The following CNTN1 variants were observed in gnomAD, a reference collection of about 807,000 sequenced individuals.
The protein encoded by CNTN1 is contactin-1.
In CNTN1, 38 loss-of-function variants were observed where a neutral mutation model predicts 126.4. The observed-to-expected ratio is 0.30, with a 90% CI of 0.23 to 0.39. The LOEUF (loss-of-function observed/expected upper bound fraction) is 0.39. CNTN1 is among the 10% of genes least tolerant of loss of function. CNTN1 has a pLI of 1.00. For missense variants in CNTN1, 1,009 were observed against 1,248.4 expected (o/e 0.81, Z 2.89); for synonymous variants, 413 against 422.6 (o/e 0.98, Z 0.28).
intron 1 of CNTN1, among the ~76,000 whole-genome samples, chr12:40,814,081 A>T (rs1941179619): frequency 6.6e-6 from 1 of 152,098 alleles, no homozygotes; most frequent in Non-Finnish European, 1.5e-5. Context: ...AGTTCCCTAT[A>T]AATTCTGGAT....
intron 1 of CNTN1, among the ~76,000 whole-genome samples, chr12:40,731,306 C>G (rs1942495655): frequency 1.3e-5 from 2 of 151,828 alleles, no homozygotes; most frequent in Admixed American, 6.6e-5. Context: ...AATACTATGA[C>G]AATTCTATAT....
intron 1 of CNTN1, among the ~76,000 whole-genome samples, chr12:40,709,409 T>A (rs937603027): frequency 1.3e-5 from 2 of 152,194 alleles, no homozygotes; most frequent in African/African-American, 2.4e-5. Flanking sequence ...GTTAGCGTAA[T>A]TCTTAAGTGC....
chr12:40,706,121 G>T (rs961799639), intron 1 of CNTN1, among the ~76,000 whole-genome samples: 6 of 150,518 alleles, frequency 4.0e-5, no homozygotes, highest in Non-Finnish European at 7.4e-5. Flanking sequence ...TAGATATATA[G>T]ATATTTTTAT....
At chr12:40,723,677 G>A (rs919563368) in intron 1 of CNTN1, among the ~76,000 whole-genome samples, 1 of 152,130 alleles carries the variant, frequency 6.6e-6, no homozygotes, top group Non-Finnish European at 1.5e-5. Context: ...TATTAGGATT[G>A]TACCACAGTA....
chr12:40,735,918 G>C (rs1014969585), intron 1 of CNTN1, among the ~76,000 whole-genome samples: 10 of 152,040 alleles, frequency 6.6e-5, no homozygotes, highest in African/African-American at 2.4e-4. Flanking sequence ...AAAGAGAGGT[G>C]GGGGAGGTAG....
intron 1 of CNTN1, among the ~76,000 whole-genome samples, chr12:40,702,738 G>A (rs7971056): frequency 0.66 from 99,661 of 152,078 alleles, 32,995 homozygotes; most frequent in East Asian, 0.86. Flanking sequence ...GCCTGGCCCA[G>A]AATTGAATTA....
chr12:40,716,434 T>C (rs368564743), intron 1 of CNTN1, among the ~76,000 whole-genome samples: 2 of 152,052 alleles, frequency 1.3e-5, no homozygotes. Flanking sequence ...TCCACAAATC[T>C]AAATACCTTG....
chr12:41,040,995 T>G (rs61924409), intron 23 of CNTN1, among the ~76,000 whole-genome samples: 75,252 of 128,256 alleles, frequency 0.59, 22,353 homozygotes, highest in African/African-American at 0.78. Flanking sequence ...CTTGTGCCAG[T>G]TTTCAAAGGG....
At chr12:41,019,729 T>C (rs1260046722) in intron 19 of CNTN1, among the ~76,000 whole-genome samples, 2 of 152,166 alleles carry the variant, frequency 1.3e-5, no homozygotes, top group Non-Finnish European at 2.9e-5. Context: ...CAGGAAACAG[T>C]GGATGTTACA....
At chr12:40,844,069 A>ATTTTTTTTTGTTTTTTTT (rs1942398324) in intron 1 of CNTN1, among the ~76,000 whole-genome samples, 1 of 84,682 alleles carries the variant, frequency 1.2e-5, no homozygotes, top group Non-Finnish European at 2.3e-5. Flanking sequence ...TGGCACAATG[A>ATTTTTTTTTGTTTTTTTT]TTTTTTTTTT....
chr12:40,829,635 C>G (rs369645361), intron 1 of CNTN1, among the ~76,000 whole-genome samples: 1 of 151,976 alleles, frequency 6.6e-6, no homozygotes, highest in East Asian at 1.9e-4. Context: ...GTGTTGTGCA[C>G]AGAACTCCCA....
chr12:40,710,399 A>G (rs569323229), intron 1 of CNTN1, among the ~76,000 whole-genome samples: 1 of 152,272 alleles, frequency 6.6e-6, no homozygotes, highest in Admixed American at 6.5e-5. Context: ...AAGATCGCCA[A>G]TCACAGATCA....
At chr12:40,707,046 G>GCACACACACACACACA (rs59993134) in intron 1 of CNTN1, among the ~76,000 whole-genome samples, 1 of 149,316 alleles carries the variant, frequency 6.7e-6, no homozygotes, top group African/African-American at 2.5e-5. Context: ...GCGCGCTTGC[G>GCACACACACACACACA]CACACACACA....
chr12:40,747,147 C>T (rs1938217332), intron 1 of CNTN1, among the ~76,000 whole-genome samples: 1 of 152,076 alleles, frequency 6.6e-6, no homozygotes, highest in South Asian at 2.1e-4. Context: ...CTGTCTCTAT[C>T]ATTTAGTTTC....
At chr12:40,902,171 T>C (rs764477088) in intron 1 of CNTN1, among the ~76,000 whole-genome samples, 31 of 152,326 alleles carry the variant, frequency 2.0e-4, no homozygotes, top group Non-Finnish European at 3.4e-4. Context: ...TTTATGTACA[T>C]ATGCTGCAAA....
chr12:40,993,066 A>C, intron 16 of CNTN1, 54 bp from the exon 17 acceptor site: 1 of 1,514,926 alleles, frequency 6.6e-7, no homozygotes, highest in Non-Finnish European at 9.2e-7. Context: ...GGGAAGTTAT[A>C]AAAGTGATAA....
intron 15 of CNTN1, among the ~76,000 whole-genome samples, chr12:40,977,289 G>C (rs80269994): frequency 0.016 from 2,414 of 152,178 alleles, 56 homozygotes; most frequent in African/African-American, 0.055. Context: ...GTTTTCTCCC[G>C]CAGATGAAGC....
chr12:40,764,647 C>T (rs527648959), intron 1 of CNTN1, among the ~76,000 whole-genome samples: 105 of 152,282 alleles, frequency 6.9e-4, no homozygotes, highest in African/African-American at 2.4e-3. Context: ...AAGCAATGGT[C>T]TGAGAAAAGT....
At chr12:40,861,311 A>G (rs556132883) in intron 1 of CNTN1, among the ~76,000 whole-genome samples, 9 of 152,226 alleles carry the variant, frequency 5.9e-5, no homozygotes, top group Admixed American at 4.6e-4. Flanking sequence ...TAATGCTCCT[A>G]GCACTAATCC....
Sources: gnomAD v4.1 joint callset for allele counts (sites outside exome capture counted in the v4.1 genomes callset) on GRCh38, gnomAD v4.1.1 for gene constraint, MANE v1.5 for transcripts, NCBI Gene and HGNC (gene_info 2026-07-23, HGNC 2026-07-21) for gene names.